The following NLRP2 variants were observed in gnomAD, a reference collection of about 807,000 sequenced individuals.
The protein encoded by NLRP2 is NLR family pyrin domain containing 2, also known as NACHT, LRR and PYD domains-containing protein 2.
Under a neutral mutation model 97.2 loss-of-function variants are expected in NLRP2, and 107 were observed. The observed-to-expected ratio is 1.10, with a 90% CI of 0.94 to 1.29. The LOEUF is 1.29. Ranked by LOEUF, NLRP2 falls within the 50% of genes most tolerant of loss-of-function variation. NLRP2 has a pLI of 0.00. For missense variants in NLRP2, 1,495 were observed against 1,330.3 expected (o/e 1.12, Z -1.93); for synonymous variants, 663 against 551.5 (o/e 1.20, Z -2.83).
Position 54,983,478 on chromosome 19 carries a change from G to T in NLRP2, c.1780G>T (p.Gly594Cys). The change falls in exon 6 of 13, where the codon GGT becomes TGT. Residue 594 changes from glycine (G) to cysteine (C), a missense_variant. Coordinates refer to ENST00000448584, the MANE Select transcript of NLRP2 (RefSeq NM_017852.5). ...GCTGCGATGCGACATAAGTTGTAAG[G>T]GTGGACATTCAACGGTGACAGACCT... The part of the protein sequence containing the change: ...ELLRCDISCK[G>C]GHSTVTDLQE... 1 of 1,614,216 alleles carries T rather than the reference G, an allele frequency of 6.2e-7. No individual in the cohort carries two copies. Among genetic ancestry groups the T allele is most frequent in the Non-Finnish European group, 8.5e-7 (1 of 1,180,046 alleles).
At position 55,000,844 on chromosome 19, in the gene NLRP2, T is replaced by C; in HGVS notation, c.3135T>C (p.Thr1045=). The C allele has an allele frequency of 6.2e-7, 1 of 1,613,372 alleles. No homozygotes were observed. Among genetic ancestry groups the C allele is most frequent in the Non-Finnish European group, 8.5e-7 (1 of 1,179,350 alleles). ...EEKNPQLIID[T]EKHHPWAERP... ...AAAACCCACAACTGATTATTGATACTGAGAAACATCATCCCTGGGCAGAAA... is the reference window on the plus strand; with the variant it reads ...AAAACCCACAACTGATTATTGATACCGAGAAACATCATCCCTGGGCAGAAA... Residue 1045 remains threonine, a synonymous_variant, in exon 13 of 13, where the codon ACT becomes ACC. Coordinates refer to ENST00000448584, the MANE Select transcript of NLRP2 (RefSeq NM_017852.5).
chr19:54,988,233 A>T lies in NLRP2; in HGVS notation c.2367-1789A>T, dbSNP rs529775377. On this transcript the variant is annotated intron_variant, in intron 8 of 12. Coordinates refer to ENST00000448584, the MANE Select transcript of NLRP2 (RefSeq NM_017852.5). ...AATTACCCTCTTTTCTTTTTGCCTG[A>T]GAATAATGGGATGCAGGGTGAGGGG... Among the ~76,000 whole-genome samples, 4 of 152,236 alleles carry T rather than the reference A, an allele frequency of 2.6e-5. No homozygotes were observed. In the East Asian group the frequency reaches 7.7e-4, roughly 29 times the overall value.
chr19:54,973,347 T>G (rs900373120), intron 2 of NLRP2, among the ~76,000 whole-genome samples: 2 of 139,612 alleles, frequency 1.4e-5, no homozygotes, highest in Non-Finnish European at 3.0e-5. Context: ...GGTGAGGGTT[T>G]TTTTTTTTTT....
At position 54,977,760 on chromosome 19, in the gene NLRP2, C is replaced by G; in HGVS notation, c.334C>G (p.Arg112Gly). The G allele has an allele frequency of 6.2e-7, 1 of 1,613,754 alleles. No homozygotes were observed. The highest frequency in any genetic ancestry group is 8.5e-7 in the Non-Finnish European group (1 of 1,180,002). ...CCGCCCTTTTTCTCCAGGGATAACA[C>G]GGAAAGAACGACCACCTCTAGACGT... ...KRKPLSLGIT[R>G]KERPPLDVDE... The change falls in exon 4 of 13, where the codon CGG (arginine) becomes GGG (glycine). Residue 112 changes from arginine (R) to glycine (G), a missense_variant. Coordinates refer to ENST00000448584, the MANE Select transcript of NLRP2 (RefSeq NM_017852.5).
intron 12 of NLRP2, among the ~76,000 whole-genome samples, chr19:54,999,426 C>T (rs573269465): frequency 2.6e-5 from 4 of 152,260 alleles, no homozygotes; most frequent in Non-Finnish European, 4.4e-5. Flanking sequence ...AGATTACAGG[C>T]GTGAGCCACC....
chr19:54,978,215 C>G, intron 4 of NLRP2, among the ~76,000 whole-genome samples: 1 of 149,496 alleles, frequency 6.7e-6, no homozygotes, highest in East Asian at 2.0e-4. Context: ...TTATAGGCAC[C>G]TGCCACCACA....
intron 4 of NLRP2, among the ~76,000 whole-genome samples, chr19:54,979,796 A>G (rs1314889792): frequency 4.0e-5 from 6 of 151,684 alleles, no homozygotes; most frequent in Non-Finnish European, 7.4e-5. Context: ...TTTTTTCTTG[A>G]GATGGAGTCT....
At chr19:54,975,694 C>T (rs1015203595) in intron 3 of NLRP2, among the ~76,000 whole-genome samples, 5 of 151,912 alleles carry the variant, frequency 3.3e-5, no homozygotes, top group East Asian at 1.9e-4. Flanking sequence ...CCTTGTGATC[C>T]GCCCGCCTCG....
intron 3 of NLRP2, among the ~76,000 whole-genome samples, chr19:54,976,670 C>A (rs1568479342): frequency 6.6e-6 from 1 of 151,842 alleles, no homozygotes; most frequent in African/African-American, 2.4e-5. Flanking sequence ...AGGCTCTTCT[C>A]AGATCAGCCT....
chr19:54,971,995 A>ATTTTTTTTTT, intron 2 of NLRP2, among the ~76,000 whole-genome samples: 1 of 116,388 alleles, frequency 8.6e-6, no homozygotes, highest in Non-Finnish European at 1.7e-5. Context: ...TGCCTGGCTG[A>ATTTTTTTTTT]TTTTTTTTTT....
intron 2 of NLRP2, among the ~76,000 whole-genome samples, chr19:54,971,015 C>A (rs1282528978): frequency 1.7e-5 from 2 of 120,912 alleles, no homozygotes; most frequent in African/African-American, 3.1e-5. Context: ...TGTTCCCCTT[C>A]CTGTGTCCAT....
At chr19:54,986,102 G>A (rs373565040) in intron 7 of NLRP2, 49 bp from the exon 8 acceptor site, 17 of 1,254,334 alleles carry the variant, frequency 1.4e-5, no homozygotes, top group Non-Finnish European at 1.8e-5. Flanking sequence ...ATTTAAGTAC[G>A]ATACAGGTGT....
intron 10 of NLRP2, chr19:54,993,964 C>T (rs1271612816): frequency 4.1e-6 from 2 of 485,300 alleles, no homozygotes; most frequent in Non-Finnish European, 3.7e-6. Context: ...CTGGCTTTGA[C>T]TCTCAGCTCC....
intron 3 of NLRP2, among the ~76,000 whole-genome samples, chr19:54,975,372 T>G (rs2071157126): frequency 6.9e-6 from 1 of 144,988 alleles, no homozygotes; most frequent in Non-Finnish European, 1.5e-5. Context: ...TCCTCCTGCC[T>G]CACCCTCCCA....
chr19:54,985,331 G>A, intron 7 of NLRP2, 114 bp downstream of exon 7: 1 of 997,266 alleles, frequency 1.0e-6, no homozygotes, highest in Non-Finnish European at 1.6e-6. Context: ...TCGAGACACA[G>A]GGAATTGAGA....
chr19:54,981,543 C>A (rs1431701083), intron 4 of NLRP2, 74 bp from the exon 5 acceptor site: 13 of 767,960 alleles, frequency 1.7e-5, no homozygotes, highest in Admixed American at 3.6e-5. Context: ...AGCCTGCCTC[C>A]TTTTCTCTAA....
rs978286589 is a variant in NLRP2, at chr19:54,975,126, T to G, written c.325+582T>G. 7.3e-4 allele frequency among the ~76,000 whole-genome samples: 81 copies of G among 110,516 alleles called. 2 individuals carry two copies. Among genetic ancestry groups the G allele is most frequent in the Middle Eastern group, 4.2e-3 (1 of 240 alleles). 72.5% of individuals were successfully genotyped at this position (110,516 alleles called of 152,430 possible). ...GTTTTGTTTTTTTTTTTTTTTTTTT[T>G]TTTTTTTTTTTTTTTTTGAAACAGG... On this transcript the variant is annotated intron_variant, in intron 3 of 12. Coordinates refer to ENST00000448584, the MANE Select transcript of NLRP2 (RefSeq NM_017852.5).
Position 55,000,778 on chromosome 19 carries a change from T to C in NLRP2, c.3069T>C (p.Phe1023=), listed in dbSNP as rs369767424. The change falls in exon 13 of 13, where the codon TTT becomes TTC. Residue 1023 remains phenylalanine (F), a synonymous_variant. Transcript: ENST00000448584. ...LRTLRLKIDD[F]NDELNKLLEE... ...ACCCCAGGTTGAAAATCGATGACTT[T>C]AATGATGAACTCAATAAGCTGCTGG... is the stretch of plus-strand genomic sequence containing the variant. 4.3e-6 allele frequency: 7 copies of C among 1,613,638 alleles called. No homozygotes were observed. Among genetic ancestry groups the C allele is most frequent in the African/African-American group, 4.0e-5 (3 of 74,960 alleles).
Position 54,994,273 on chromosome 19 carries a change from T to A in NLRP2, c.2713T>A (p.Trp905Arg). Residue 905 changes from tryptophan (W) to arginine (R), a missense_variant, in exon 11 of 13, where the codon TGG becomes AGG. By Grantham distance (101) the Trp-to-Arg change is moderately radical. Transcript: ENST00000448584. ...PECKLQTLVL[W>R]NCDITSDGCC... ...CTTCCTGTGGTTGATTTCTAGGCTTTGGAACTGCGACATAACTAGCGATGG... is the reference window on the plus strand; with the variant it reads ...CTTCCTGTGGTTGATTTCTAGGCTTAGGAACTGCGACATAACTAGCGATGG... The A allele has an allele frequency of 6.2e-7, 1 of 1,614,096 alleles. No individual in the cohort carries two copies. Among genetic ancestry groups the A allele is most frequent in the Non-Finnish European group, 8.5e-7 (1 of 1,179,974 alleles).
Sources: gnomAD v4.1 joint callset for allele counts (sites outside exome capture counted in the v4.1 genomes callset) on GRCh38, gnomAD v4.1.1 for gene constraint, MANE v1.5 for transcripts, NCBI Gene and HGNC (gene_info 2026-07-23, HGNC 2026-07-21) for gene names.